ARIH2: variants seen among roughly 807,000 people sequenced by gnomAD.
ARIH2 encodes the protein ariadne RBR E3 ubiquitin protein ligase 2.
In ARIH2, 12 loss-of-function variants were observed where a neutral mutation model predicts 79.8. The ratio of observed to expected loss-of-function variants is 0.15; its 90% CI spans 0.10 to 0.24. The LOEUF (loss-of-function observed/expected upper bound fraction) is 0.24, where lower values mean the gene tolerates loss of function less well. Ranked by LOEUF, ARIH2 falls within the 10% of genes least tolerant of loss-of-function variation. ARIH2 has a pLI of 1.00. For missense variants in ARIH2, 301 were observed against 618.3 expected (o/e 0.49, Z 5.44); for synonymous variants, 224 against 213.9 (o/e 1.05, Z -0.41).
At chr3:48,971,220 C>T (rs2092213399) in intron 8 of ARIH2, among the ~76,000 whole-genome samples, 1 of 152,178 alleles carries the variant, frequency 6.6e-6, no homozygotes, top group Non-Finnish European at 1.5e-5. Context: ...ATTATCACAA[C>T]TGTATATGAC....
At chr3:48,972,010 T>A (rs1488992918) in intron 8 of ARIH2, among the ~76,000 whole-genome samples, 1 of 152,222 alleles carries the variant, frequency 6.6e-6, no homozygotes, top group South Asian at 2.1e-4. Flanking sequence ...AGATGTATCA[T>A]GACCCTACAG....
Position 48,983,295 on chromosome 3 carries a change from G to A in ARIH2, c.*25G>A. 1.2e-6 allele frequency: 2 copies of A among 1,613,250 alleles called. No individual in the cohort carries two copies. Among genetic ancestry groups the A allele is most frequent in the Non-Finnish European group, 1.7e-6 (2 of 1,179,460 alleles). Reference sequence around the variant, plus strand: ...AGTTGGGATGTGGATGTGCCGGGGTGAGGAAGATGTGGCTGCAAGGTCTCC... The same window carrying A: ...AGTTGGGATGTGGATGTGCCGGGGTAAGGAAGATGTGGCTGCAAGGTCTCC... On this transcript the variant is annotated 3_prime_UTR_variant, in exon 16 of 16. Coordinates refer to ENST00000356401, the MANE Select transcript of ARIH2 (RefSeq NM_006321.4).
chr3:48,959,219 G>A lies in ARIH2; in HGVS notation c.256-2393G>A, dbSNP rs543896717. On this transcript the variant is annotated intron_variant, in intron 3 of 15. Coordinates refer to ENST00000356401, the MANE Select transcript of ARIH2 (RefSeq NM_006321.4). Reference sequence around the variant, plus strand: ...TAGTCCCAGCTACTAGGGAGGCGGAGGCAGGAGAATGGCGTGAACCCGGGA... The same window carrying A: ...TAGTCCCAGCTACTAGGGAGGCGGAAGCAGGAGAATGGCGTGAACCCGGGA... 5.3e-5 allele frequency among the ~76,000 whole-genome samples: 8 copies of A among 150,498 alleles called. No individual in the cohort carries two copies. In the South Asian group the frequency reaches 1.7e-3, roughly 32 times the overall value.
At chr3:48,931,591 C>T (rs928354608) in intron 3 of ARIH2, among the ~76,000 whole-genome samples, 7 of 151,692 alleles carry the variant, frequency 4.6e-5, no homozygotes, top group African/African-American at 1.5e-4. Context: ...ACTCAAAAAG[C>T]TGCAAAAAAA....
At chr3:48,939,837 T>C (rs1360170213) in intron 3 of ARIH2, among the ~76,000 whole-genome samples, 1 of 149,586 alleles carries the variant, frequency 6.7e-6, no homozygotes, top group East Asian at 2.0e-4. Flanking sequence ...AAACTAACCA[T>C]TTAAAGTATA....
At position 48,983,885 on chromosome 3, in the gene ARIH2, C is replaced by A. The variant is rs978407987; in HGVS notation, c.*615C>A. On this transcript the variant is annotated 3_prime_UTR_variant, in exon 16 of 16. Coordinates refer to ENST00000356401, the MANE Select transcript of ARIH2 (RefSeq NM_006321.4). ...GAGCACAAGGGGTCACAGCATGCCT[C>A]CTGCCTTACCGTGGCAGTACGGAGA... The A allele has an allele frequency of 6.5e-6, 1 of 152,978 alleles. No individual in the cohort carries two copies. Among genetic ancestry groups the A allele is most frequent in the Non-Finnish European group, 1.5e-5 (1 of 68,396 alleles). 9.5% of individuals were successfully genotyped at this position (152,978 alleles called of 1,614,324 possible).
At chr3:48,922,044 A>G (rs1174673722) in intron 1 of ARIH2, among the ~76,000 whole-genome samples, 2 of 152,188 alleles carry the variant, frequency 1.3e-5, no homozygotes, top group African/African-American at 2.4e-5. Context: ...TAAGTCAGTT[A>G]CAATTTGCTT....
intron 3 of ARIH2, among the ~76,000 whole-genome samples, chr3:48,958,717 GA>G (rs554194745): frequency 6.7e-6 from 1 of 149,538 alleles, no homozygotes; most frequent in Non-Finnish European, 1.5e-5. Context: ...TCAAAAAAAA[GA>G]AAAAAAGGTA....
Position 48,978,415 on chromosome 3 carries a change from TTGTGTATGTGTGTGTG to T in ARIH2, c.962-1061_962-1046del, listed in dbSNP as rs1242577356. Among the ~76,000 whole-genome samples the T allele has an allele frequency of 2.9e-4, 26 of 90,694 alleles. 1 individual carries two copies. The East Asian group carries it at 6.2e-3, about 22-fold the overall frequency. 59.5% of individuals were successfully genotyped at this position (90,694 alleles called of 152,430 possible). On this transcript the variant is annotated intron_variant, in intron 11 of 15. Coordinates refer to ENST00000356401, the MANE Select transcript of ARIH2 (RefSeq NM_006321.4). ...GCATGTGCCACCACACCTGGCTAAT[TTGTGTATGTGTGTGTG>T]TGTGTGTGTGTGTGTGTGTGTGTGT...
intron 4 of ARIH2, 47 bp downstream of exon 4, chr3:48,961,726 C>G: frequency 8.2e-7 from 1 of 1,220,450 alleles, no homozygotes; most frequent in Non-Finnish European, 1.2e-6. Flanking sequence ...TAGCTCCCCT[C>G]TCCGTGGTGA....
intron 7 of ARIH2, 47 bp downstream of exon 7, chr3:48,968,702 C>T (rs1428826050): frequency 1.9e-6 from 3 of 1,584,316 alleles, no homozygotes; most frequent in Non-Finnish European, 2.6e-6. Context: ...GGCCTACCTT[C>T]CATCAGAGGG....
At chr3:48,965,487 C>G (rs1009222991) in intron 5 of ARIH2, among the ~76,000 whole-genome samples, 12 of 152,178 alleles carry the variant, frequency 7.9e-5, no homozygotes, top group African/African-American at 2.9e-4. Context: ...AAGTCATTGC[C>G]TGTCCTTGGG....
chr3:48,981,135 G>C (rs2092733867), intron 13 of ARIH2, among the ~76,000 whole-genome samples: 1 of 150,824 alleles, frequency 6.6e-6, no homozygotes, highest in Admixed American at 6.6e-5. Flanking sequence ...TTTGAGACCA[G>C]CCTGGGCAAC....
At chr3:48,967,569 G>A (rs2091886313) in intron 6 of ARIH2, among the ~76,000 whole-genome samples, 1 of 152,190 alleles carries the variant, frequency 6.6e-6, no homozygotes, top group African/African-American at 2.4e-5. Context: ...TTCCACAAGT[G>A]GCAGCCATAA....
At chr3:48,959,339 AAAAT>A (rs992188840) in intron 3 of ARIH2, among the ~76,000 whole-genome samples, 3 of 151,692 alleles carry the variant, frequency 2.0e-5, no homozygotes, top group Non-Finnish European at 4.4e-5. Flanking sequence ...AATACAATAA[AAAAT>A]AAATAAAAAA....
chr3:48,919,101 C>G, intron 1 of ARIH2, 103 bp downstream of exon 1: 1 of 1,277,360 alleles, frequency 7.8e-7, no homozygotes, highest in African/African-American at 1.5e-5. Flanking sequence ...CCTTCGCCGT[C>G]GCCCGGGAGG....
chr3:48,965,495 G>A (rs886371657), intron 5 of ARIH2, among the ~76,000 whole-genome samples: 15 of 152,128 alleles, frequency 9.9e-5, no homozygotes, highest in Non-Finnish European at 1.5e-4. Flanking sequence ...GCCTGTCCTT[G>A]GGCCCTCTCC....
At chr3:48,934,872 G>A in intron 3 of ARIH2, 1 of 985,388 alleles carries the variant, frequency 1.0e-6, no homozygotes, top group Non-Finnish European at 1.2e-6. Context: ...TTCAAGGCCA[G>A]CTTTCATTCT....
rs759097516 is a variant in ARIH2, at chr3:48,981,748, C to G, written c.1326+20C>G. The G allele has an allele frequency of 6.2e-7, 1 of 1,600,540 alleles. No homozygotes were observed. The highest frequency in any genetic ancestry group is 2.2e-5 in the East Asian group (1 of 44,760). On this transcript the variant is annotated intron_variant, in intron 14 of 15. Transcript: ENST00000356401. ...AAGCTGGTAAGGCAAAGCAATTTTTCTACTCTGTCCCGTTAGCCTCAAAGG... is the reference window on the plus strand; with the variant it reads ...AAGCTGGTAAGGCAAAGCAATTTTTGTACTCTGTCCCGTTAGCCTCAAAGG...
Sources: gnomAD v4.1 joint callset for allele counts (sites outside exome capture counted in the v4.1 genomes callset) on GRCh38, gnomAD v4.1.1 for gene constraint, MANE v1.5 for transcripts, NCBI Gene and HGNC (gene_info 2026-07-23, HGNC 2026-07-21) for gene names.